The following RPS13 variants were observed in gnomAD, a reference collection of about 807,000 sequenced individuals.
RPS13 encodes small ribosomal subunit protein uS15.
Under a neutral mutation model 24.6 loss-of-function variants are expected in RPS13, and 1 was observed. The ratio of observed to expected loss-of-function variants is 0.04; its 90% CI spans 0.01 to 0.19. The LOEUF is 0.19. Ranked by LOEUF, RPS13 falls within the 10% of genes least tolerant of loss-of-function variation. The pLI is 1.00. For synonymous variants in RPS13, 69 were observed against 65.3 expected (o/e 1.06, Z -0.27); for missense variants, 88 against 187.4 (o/e 0.47, Z 3.10).
intron 5 of RPS13, chr11:17,074,732 A>G (rs1464594000): frequency 1.5e-6 from 1 of 678,994 alleles, no homozygotes; most frequent in African/African-American, 1.8e-5. Context: ...CTGGCAACCA[A>G]TCATCATAGT....
intron 3 of RPS13, chr11:17,076,554 CA>C (rs35594006): frequency 0.45 from 152,194 of 334,970 alleles, 19,114 homozygotes; most frequent in East Asian, 0.59. Context: ...AAGACTGTCT[CA>C]AAAAAAAAAA....
chr11:17,077,423 A>G lies in RPS13; in HGVS notation c.72+6T>C. ...GGATTCTCCCCGGTCCCAGCGCGCT[A>G]CTTACAGTGGGGACGCTGCGTCGAT... On this transcript the variant is annotated splice_donor_region_variant and intron_variant, in intron 2 of 5. Coordinates refer to ENST00000525634, the MANE Select transcript of RPS13 (RefSeq NM_001017.3). 6.2e-7 allele frequency: 1 copy of G among 1,606,134 alleles called. No individual in the cohort carries two copies. Among genetic ancestry groups the G allele is most frequent in the Non-Finnish European group, 8.5e-7 (1 of 1,175,310 alleles).
Position 17,077,078 on chromosome 11 carries a change from G to A in RPS13, c.151+90C>T, listed in dbSNP as rs963803566. 26 of 960,426 alleles carry A rather than the reference G, an allele frequency of 2.7e-5. 1 individual carries two copies. The Middle Eastern group carries it at 1.2e-3, about 43-fold the overall frequency. The allele number at this position is 960,426 out of a possible 1,614,324, so 59.5% of individuals were successfully genotyped here. ...AGCACGGTGGCGAGACCAGAGTTTTGGCTATTTTTAAAATAACTTTACCAC... is the reference window on the plus strand; with the variant it reads ...AGCACGGTGGCGAGACCAGAGTTTTAGCTATTTTTAAAATAACTTTACCAC... On this transcript the variant is annotated intron_variant, in intron 3 of 5. Coordinates refer to ENST00000525634, the MANE Select transcript of RPS13 (RefSeq NM_001017.3).
chr11:17,074,829 G>T, intron 5 of RPS13: 1 of 650,994 alleles, frequency 1.5e-6, no homozygotes, highest in Non-Finnish European at 2.8e-6. Context: ...AGAGTCAAAG[G>T]GCTTATTCAT....
chr11:17,076,706 CT>C, intron 3 of RPS13: 8 of 306,004 alleles, frequency 2.6e-5, no homozygotes, highest in Middle Eastern at 1.2e-3. Context: ...TTGCGGCTGG[CT>C]TTTTTGGGCG....
intron 5 of RPS13, chr11:17,074,804 C>T (rs1368599390): frequency 7.6e-6 from 5 of 660,636 alleles, no homozygotes; most frequent in South Asian, 1.5e-5. Context: ...GGAAAATCTA[C>T]CTACTATCTA....
In RPS13 at chr11:17,075,167, T is replaced by C. The variant is rs3200417; in HGVS notation, c.352A>G (p.Ile118Val). ...DKDAKFRLIL[I>V]ESRIHRLARY... ...GCCAAACGGTGAATCCGGCTCTCTA[T>C]TAGAATCAGACGGAATTTAGCATCC... Residue 118 changes from isoleucine (I) to valine (V), a missense_variant, in exon 5 of 6, where the codon ATA (isoleucine) becomes GTA (valine). By Grantham distance (29) the Ile-to-Val change is conservative (BLOSUM62 3). Coordinates refer to ENST00000525634, the MANE Select transcript of RPS13 (RefSeq NM_001017.3). The C allele has an allele frequency of 1.2e-6, 2 of 1,607,788 alleles. No individual in the cohort carries two copies. Among genetic ancestry groups the C allele is most frequent in the Non-Finnish European group, 1.7e-6 (2 of 1,178,452 alleles).
intron 5 of RPS13, among the ~76,000 whole-genome samples, 177 bp downstream of exon 5, chr11:17,074,920 T>C (rs559936132): frequency 1.1e-4 from 17 of 152,334 alleles, no homozygotes; most frequent in Admixed American, 1.0e-3. Context: ...CGATTATGTA[T>C]TGCCTGTGGC....
chr11:17,074,818 G>A, intron 5 of RPS13: 1 of 658,340 alleles, frequency 1.5e-6, no homozygotes, highest in Non-Finnish European at 2.8e-6. Flanking sequence ...CTATCTAAAA[G>A]AGAGTCAAAG....
chr11:17,074,774 C>T (rs1414462146), intron 5 of RPS13: 1 of 664,522 alleles, frequency 1.5e-6, no homozygotes, highest in African/African-American at 1.8e-5. Flanking sequence ...ATTCAAACTC[C>T]TGGGAGTAGA....
At chr11:17,076,554 C>CAAAAA in intron 3 of RPS13, 1 of 340,360 alleles carries the variant, frequency 2.9e-6, no homozygotes, top group Non-Finnish European at 5.6e-6. Context: ...AAGACTGTCT[C>CAAAAA]AAAAAAAAAA....
At position 17,075,476 on chromosome 11, in the gene RPS13, T is replaced by C. The variant is rs1804354; in HGVS notation, c.299A>G (p.Lys100Arg). The C allele has an allele frequency of 1.3e-6, 2 of 1,584,480 alleles. No individual in the cohort carries two copies. The highest frequency in any genetic ancestry group is 1.7e-6 in the Non-Finnish European group (2 of 1,169,780). The change falls in exon 4 of 6, where the codon AAG becomes AGG. Residue 100 changes from lysine to arginine, a missense_variant. Physicochemically the swap from Lys to Arg is conservative, Grantham distance 26. Coordinates refer to ENST00000525634, the MANE Select transcript of RPS13 (RefSeq NM_001017.3). ...TACCTTTCTGTTCCTCTCAAGATGCTTTCGAACAGCAACTGCTTTCTTAAT... is the reference window on the plus strand; with the variant it reads ...TACCTTTCTGTTCCTCTCAAGATGCCTTCGAACAGCAACTGCTTTCTTAAT... Reference protein sequence around the residue: ...HLIKKAVAVRKHLERNRKDKD... With the variant: ...HLIKKAVAVRRHLERNRKDKD...
intron 2 of RPS13, 50 bp from the exon 3 acceptor site, chr11:17,077,296 C>T (rs771207115): frequency 2.5e-6 from 4 of 1,580,222 alleles, no homozygotes; most frequent in Admixed American, 3.3e-5. Flanking sequence ...GGAATGGCGC[C>T]GCAGAACAGC....
rs1042860136 is a variant in RPS13 at position 17,075,140 on chromosome 11, G to T, written c.379C>A (p.Arg127=). The T allele has an allele frequency of 2.5e-6, 4 of 1,611,496 alleles. No homozygotes were observed. Among genetic ancestry groups the T allele is most frequent in the East Asian group, 2.2e-5 (1 of 44,832 alleles). The change falls in exon 5 of 6, where the codon CGA becomes AGA. Residue 127 remains arginine (R), a synonymous_variant. Coordinates refer to ENST00000525634, the MANE Select transcript of RPS13 (RefSeq NM_001017.3). ...AGGACTCGCTTGGTCTTATAATATC[G>T]AGCCAAACGGTGAATCCGGCTCTCT... ...LIESRIHRLA[R]YYKTKRVLPP...
intron 3 of RPS13, chr11:17,076,022 C>T (rs1447491047): frequency 6.3e-6 from 2 of 319,538 alleles, no homozygotes; most frequent in Non-Finnish European, 1.2e-5. Flanking sequence ...GACATATTTT[C>T]TTTTGATGTG....
chr11:17,077,136 C>A (rs369912483), intron 3 of RPS13, 32 bp downstream of exon 3: 75 of 1,526,976 alleles, frequency 4.9e-5, no homozygotes, highest in Non-Finnish European at 5.9e-5. Context: ...CGAGGACAGG[C>A]GAAATAGGCT....
intron 2 of RPS13, 42 bp downstream of exon 2, chr11:17,077,387 A>G (rs765125241): frequency 1.9e-6 from 3 of 1,596,266 alleles, no homozygotes; most frequent in Non-Finnish European, 2.6e-6. Context: ...ACAAATGCCA[A>G]CCCCCTCCCC....
rs770068384 is a variant in RPS13 at position 17,075,178 on chromosome 11, C to T, written c.341G>A (p.Arg114His). The change falls in exon 5 of 6, where the codon CGT (arginine) becomes CAT (histidine). Residue 114 changes from arginine (R) to histidine (H), a missense_variant. Coordinates refer to ENST00000525634, the MANE Select transcript of RPS13 (RefSeq NM_001017.3). ...RNRKDKDAKF[R>H]LILIESRIHR... ...AATCCGGCTCTCTATTAGAATCAGA[C>T]GGAATTTAGCATCCTTATCCTAAAA... The T allele has an allele frequency of 1.6e-5, 26 of 1,602,874 alleles. No individual in the cohort carries two copies. The highest frequency in any genetic ancestry group is 3.5e-5 in the Admixed American group (2 of 56,510).
intron 3 of RPS13, chr11:17,076,719 G>A: frequency 3.2e-6 from 1 of 315,716 alleles, no homozygotes; most frequent in South Asian, 2.4e-5. Flanking sequence ...TTTTGGGCGG[G>A]GGAGTCGGAG....
Sources: gnomAD v4.1 joint callset for allele counts (sites outside exome capture counted in the v4.1 genomes callset) on GRCh38, gnomAD v4.1.1 for gene constraint, MANE v1.5 for transcripts, NCBI Gene and HGNC (gene_info 2026-07-23, HGNC 2026-07-21) for gene names.